RCAN1: variants seen among roughly 807,000 people sequenced by gnomAD.
The protein encoded by RCAN1 is regulator of calcineurin 1.
RCAN1 carries 11 observed loss-of-function variants against 22.9 expected under a neutral mutation model. The observed-to-expected ratio is 0.48, with a 90% CI of 0.30 to 0.79. RCAN1 has a LOEUF of 0.79. RCAN1 is among the 30% of genes least tolerant of loss of function. The pLI is 0.06. For synonymous variants in RCAN1, 136 were observed against 142.3 expected (o/e 0.96, Z 0.32); for missense variants, 291 against 337.8 (o/e 0.86, Z 1.09).
chr21:34,590,045 C>T (rs1283014417), intron 1 of RCAN1, among the ~76,000 whole-genome samples: 2 of 152,244 alleles, frequency 1.3e-5, no homozygotes, highest in Admixed American at 6.5e-5. Flanking sequence ...TTGATCATTA[C>T]CTTCTGTTCA....
chr21:34,613,645 A>T, intron 1 of RCAN1: 2 of 1,033,524 alleles, frequency 1.9e-6, no homozygotes, highest in Non-Finnish European at 2.6e-6. Context: ...AAGGTTTTAG[A>T]GTAAGATCAA....
Position 34,517,862 on chromosome 21 carries a change from CAG to C in RCAN1, c.*220_*221del, listed in dbSNP as rs1984156855. 1.7e-6 allele frequency: 1 copy of C among 586,136 alleles called. No individual in the cohort carries two copies. Among genetic ancestry groups the C allele is most frequent in the African/African-American group, 1.9e-5 (1 of 53,640 alleles). 36.3% of individuals were successfully genotyped at this position (586,136 alleles called of 1,614,324 possible). A position where few individuals can be genotyped will look rare whatever the true frequency, so the allele number is the denominator to read the frequency against. ...TGTCCTTGTGCGATCACCACAAACT[CAG>C]TGATTGGCCCAAGTCATTCCCGGGT... On this transcript the variant is annotated 3_prime_UTR_variant, in exon 4 of 4. Coordinates refer to ENST00000313806, the MANE Select transcript of RCAN1 (RefSeq NM_004414.7).
At chr21:34,584,196 A>G (rs1987714357) in intron 1 of RCAN1, among the ~76,000 whole-genome samples, 1 of 152,182 alleles carries the variant, frequency 6.6e-6, no homozygotes, top group Non-Finnish European at 1.5e-5. Flanking sequence ...TATTTCAAGT[A>G]ATCTCTATTA....
In RCAN1 at chr21:34,598,302, A is replaced by G. The variant is rs150434245; in HGVS notation, c.252+16458T>C. Among the ~76,000 whole-genome samples, 3 of 152,362 alleles carry G rather than the reference A, an allele frequency of 2.0e-5. No individual in the cohort carries two copies. The East Asian group carries it at 5.8e-4, about 29-fold the overall frequency. The stretch of plus-strand genomic sequence containing the variant: ...AAGAATAGGACAATTCACTGTATTA[A>G]TTGTTAAATCACGCTAAAATGTAAG... On this transcript the variant is annotated intron_variant, in intron 1 of 3. Transcript: ENST00000313806.
intron 1 of RCAN1, among the ~76,000 whole-genome samples, chr21:34,599,198 A>C (rs532905569): frequency 1.1e-4 from 17 of 152,328 alleles, no homozygotes; most frequent in Non-Finnish European, 1.8e-4. Flanking sequence ...TGCTATTTGC[A>C]ACATTATTTA....
chr21:34,606,427 C>T (rs762009759), intron 1 of RCAN1, among the ~76,000 whole-genome samples: 1 of 152,152 alleles, frequency 6.6e-6, no homozygotes, highest in Admixed American at 6.5e-5. Context: ...GACACTGACC[C>T]CGGCTAGGTG....
At chr21:34,580,049 G>A (rs1346934860) in intron 1 of RCAN1, among the ~76,000 whole-genome samples, 1 of 152,224 alleles carries the variant, frequency 6.6e-6, no homozygotes, top group Admixed American at 6.5e-5. Context: ...AGGGGAAAGT[G>A]TCACAGTGCA....
At chr21:34,576,121 A>G (rs1213653029) in intron 1 of RCAN1, among the ~76,000 whole-genome samples, 1 of 152,218 alleles carries the variant, frequency 6.6e-6, no homozygotes, top group Non-Finnish European at 1.5e-5. Flanking sequence ...ACAGCTCAAC[A>G]ATGTAGTTTA....
At chr21:34,605,414 C>T (rs1988492041) in intron 1 of RCAN1, among the ~76,000 whole-genome samples, 1 of 152,148 alleles carries the variant, frequency 6.6e-6, no homozygotes. Context: ...CCTTTTAACT[C>T]CTCTTTATAT....
chr21:34,608,733 A>G (rs1360055996), intron 1 of RCAN1, among the ~76,000 whole-genome samples: 1 of 152,230 alleles, frequency 6.6e-6, no homozygotes, highest in Non-Finnish European at 1.5e-5. Flanking sequence ...GCAGTAGATA[A>G]CTAATACACA....
chr21:34,568,935 T>C (rs2268260), intron 1 of RCAN1, among the ~76,000 whole-genome samples: 82,984 of 151,986 alleles, frequency 0.55, 23,024 homozygotes, highest in East Asian at 0.65. Context: ...AGACAAAAGG[T>C]GCTTCTTACA....
intron 1 of RCAN1, among the ~76,000 whole-genome samples, chr21:34,575,264 T>C (rs1208226652): frequency 6.6e-6 from 1 of 152,178 alleles, no homozygotes; most frequent in Non-Finnish European, 1.5e-5. Flanking sequence ...ACAAACACAG[T>C]TCACCTTCTC....
At chr21:34,533,024 T>TGTG (rs1568890795) in intron 1 of RCAN1, among the ~76,000 whole-genome samples, 29 of 150,952 alleles carry the variant, frequency 1.9e-4, no homozygotes, top group Admixed American at 1.7e-3. Context: ...GCAGTGGCAC[T>TGTG]ATCTCGGCTC....
chr21:34,559,381 A>C (rs1986707376), intron 1 of RCAN1: 1 of 151,990 alleles, frequency 6.6e-6, no homozygotes, highest in South Asian at 2.1e-4. Context: ...CTCCACAATG[A>C]ATCCAATTAC....
intron 1 of RCAN1, among the ~76,000 whole-genome samples, chr21:34,581,721 C>T (rs9981456): frequency 0.015 from 2,209 of 152,250 alleles, 63 homozygotes; most frequent in African/African-American, 0.05. Context: ...GGGCACTTTG[C>T]ATGAAAGTTT....
chr21:34,545,601 C>A (rs866994391), intron 1 of RCAN1, among the ~76,000 whole-genome samples: 1 of 152,188 alleles, frequency 6.6e-6, no homozygotes, highest in Non-Finnish European at 1.5e-5. Context: ...GAGCCTGTGA[C>A]TTCTCCCGCT....
intron 1 of RCAN1, chr21:34,613,884 A>G: frequency 7.2e-7 from 1 of 1,388,286 alleles, no homozygotes; most frequent in Non-Finnish European, 9.5e-7. Context: ...CGCTGAAAGC[A>G]CTGCTTTTTT....
chr21:34,608,468 G>A (rs537865903), intron 1 of RCAN1, among the ~76,000 whole-genome samples: 13 of 152,324 alleles, frequency 8.5e-5, no homozygotes, highest in Middle Eastern at 3.4e-3. Flanking sequence ...CTTGCTCTGA[G>A]GGAAGCCTGC....
intron 1 of RCAN1, among the ~76,000 whole-genome samples, chr21:34,562,635 C>T (rs1466752983): frequency 6.6e-6 from 1 of 152,198 alleles, no homozygotes; most frequent in African/African-American, 2.4e-5. Context: ...TCTCCATTGT[C>T]AACGGTGGTA....
Sources: allele counts gnomAD v4.1 joint callset (sites outside exome capture counted in the v4.1 genomes callset), GRCh38; gene constraint gnomAD v4.1.1; transcripts MANE v1.5; gene names NCBI Gene and HGNC (gene_info 2026-07-23, HGNC 2026-07-21).